The following FHL2 variants were observed in gnomAD, a reference collection of about 807,000 sequenced individuals.
The protein encoded by FHL2 is four and a half LIM domains 2.
Under a neutral mutation model 32.7 loss-of-function variants are expected in FHL2, and 20 were observed. The ratio of observed to expected loss-of-function variants is 0.61; its 90% CI spans 0.43 to 0.89. The LOEUF (loss-of-function observed/expected upper bound fraction) is 0.89, where lower values mean the gene tolerates loss of function less well. FHL2 is among the 40% of genes least tolerant of loss of function. FHL2 has a pLI of 0.00. For missense variants in FHL2, 311 were observed against 358.6 expected, an observed-to-expected ratio of 0.87 and a Z score of 1.07; for synonymous variants, 123 against 128.1, an observed-to-expected ratio of 0.96 and a Z score of 0.27.
Position 105,398,331 on chromosome 2 carries a change from A to C in FHL2, c.-76+511T>G, listed in dbSNP as rs1222534394. Among the ~76,000 whole-genome samples, 5 of 152,230 alleles carry C rather than the reference A, an allele frequency of 3.3e-5. No individual in the cohort carries two copies. The East Asian group carries it at 7.7e-4, about 23-fold the overall frequency. ...ATTTAAAATAAGCCATTTTTGTTTT[A>C]ACCGAATGGTTCAGTTATTAAATGT... is the stretch of plus-strand genomic sequence containing the variant. On this transcript the variant is annotated intron_variant, in intron 1 of 6. Coordinates refer to ENST00000530340, the MANE Select transcript of FHL2 (RefSeq NM_001318895.3).
chr2:105,367,893 T>G (rs1347614600), intron 4 of FHL2, among the ~76,000 whole-genome samples, 154 bp from the exon 5 acceptor site: 2 of 152,226 alleles, frequency 1.3e-5, no homozygotes, highest in African/African-American at 4.8e-5. Flanking sequence ...AGGTAATTCC[T>G]ATTTTGTGCA....
chr2:105,404,061 C>G (rs1358324639), upstream of FHL2, among the ~76,000 whole-genome samples: 1 of 152,168 alleles, frequency 6.6e-6, no homozygotes, highest in African/African-American at 2.4e-5. Context: ...TAGCCTCCTA[C>G]CCGGATGGGG....
upstream of FHL2, chr2:105,399,242 T>A (rs1022445171): frequency 8.5e-6 from 13 of 1,534,958 alleles, no homozygotes; most frequent in South Asian, 2.4e-5. Context: ...CCAGGGCTCC[T>A]TTCTTCGTGC....
chr2:105,422,646 CAAAAA>C (rs10715306), intron 1 of FHL2, among the ~76,000 whole-genome samples: 1 of 113,962 alleles, frequency 8.8e-6, no homozygotes, highest in Admixed American at 8.9e-5. Context: ...TCATCTCTGG[CAAAAA>C]AAAAAAAAAA....
intron 2 of FHL2, among the ~76,000 whole-genome samples, chr2:105,392,964 C>T (rs1217709355): frequency 4.0e-5 from 6 of 151,342 alleles, no homozygotes; most frequent in East Asian, 1.9e-4. Flanking sequence ...GTATTACAGG[C>T]GTGCATCACC....
At chr2:105,435,044 GTAACAT>G (rs1684563372) in intron 1 of FHL2, among the ~76,000 whole-genome samples, 1 of 152,118 alleles carries the variant, frequency 6.6e-6, no homozygotes, top group Non-Finnish European at 1.5e-5. Context: ...AGAGAAAAAT[GTAACAT>G]TACTACCAAT....
exon 1 of FHL2, chr2:105,438,439 G>A (rs1400798630): frequency 7.1e-6 from 7 of 985,428 alleles, no homozygotes; most frequent in Non-Finnish European, 8.4e-6. Flanking sequence ...CCAGCCCGAT[G>A]AGCAGGGACA....
chr2:105,369,467 A>C (rs1201408123), intron 4 of FHL2, among the ~76,000 whole-genome samples: 1 of 152,222 alleles, frequency 6.6e-6, no homozygotes, highest in East Asian at 1.9e-4. Flanking sequence ...AAGACCAGAC[A>C]TTTGAGATTA....
chr2:105,427,783 G>A (rs1333781823), intron 1 of FHL2, among the ~76,000 whole-genome samples: 1 of 152,204 alleles, frequency 6.6e-6, no homozygotes, highest in Non-Finnish European at 1.5e-5. Flanking sequence ...GTGCCTGGGT[G>A]TGAGGCTTTG....
chr2:105,386,008 TACTC>T (rs1682281086), intron 3 of FHL2: 1 of 399,776 alleles, frequency 2.5e-6, no homozygotes, highest in Admixed American at 4.2e-5. Context: ...TGCTCCACGT[TACTC>T]ACCACGGGGC....
intron 4 of FHL2, among the ~76,000 whole-genome samples, chr2:105,370,357 A>G (rs1680961289): frequency 1.3e-5 from 2 of 151,854 alleles, no homozygotes; most frequent in African/African-American, 4.8e-5. Context: ...CCTGAGCGAA[A>G]GAGCGAGATC....
intron 1 of FHL2, among the ~76,000 whole-genome samples, chr2:105,418,858 T>C (rs1684015013): frequency 6.6e-6 from 1 of 152,204 alleles, no homozygotes; most frequent in Non-Finnish European, 1.5e-5. Flanking sequence ...TTCTATTTTA[T>C]TATTATTTAT....
intron 3 of FHL2, among the ~76,000 whole-genome samples, chr2:105,379,163 G>A (rs190479736): frequency 2.0e-5 from 3 of 152,316 alleles, no homozygotes; most frequent in Admixed American, 2.0e-4. Flanking sequence ...CCATTGGGAA[G>A]TAATTGAACC....
At chr2:105,361,553 G>T in intron 6 of FHL2, 119 bp from the exon 7 acceptor site, 1 of 819,124 alleles carries the variant, frequency 1.2e-6, no homozygotes, top group Non-Finnish European at 1.9e-6. Flanking sequence ...TGGATAATGT[G>T]AATTTCTAGT....
intron 2 of FHL2, among the ~76,000 whole-genome samples, chr2:105,395,624 C>A (rs1683072198): frequency 6.6e-6 from 1 of 152,238 alleles, no homozygotes; most frequent in African/African-American, 2.4e-5. Flanking sequence ...CCTTCTGCTT[C>A]CTTCATTGAC....
intron 1 of FHL2, among the ~76,000 whole-genome samples, chr2:105,427,661 T>G (rs1318493526): frequency 6.6e-6 from 1 of 152,202 alleles, no homozygotes; most frequent in African/African-American, 2.4e-5. Flanking sequence ...GCATTTCTTG[T>G]CTTGCATGTG....
intron 1 of FHL2, chr2:105,438,330 T>G (rs1001227133): frequency 1.0e-6 from 1 of 980,384 alleles, no homozygotes; most frequent in Non-Finnish European, 1.2e-6. Flanking sequence ...CCTACAGAGC[T>G]GCTGCAGAGA....
chr2:105,401,112 A>C (rs1683454882), upstream of FHL2, among the ~76,000 whole-genome samples: 1 of 151,282 alleles, frequency 6.6e-6, no homozygotes, highest in Non-Finnish European at 1.5e-5. Flanking sequence ...TCAAAGAATA[A>C]ACTAGTAGAA....
chr2:105,431,962 T>C (rs1393894932), intron 1 of FHL2, among the ~76,000 whole-genome samples: 4 of 152,356 alleles, frequency 2.6e-5, no homozygotes, highest in Non-Finnish European at 5.9e-5. Context: ...CTGCTGCTGT[T>C]AATAAAAGTA....
Sources: allele counts gnomAD v4.1 joint callset (sites outside exome capture counted in the v4.1 genomes callset), GRCh38; gene constraint gnomAD v4.1.1; transcripts MANE v1.5; gene names NCBI Gene and HGNC (gene_info 2026-07-23, HGNC 2026-07-21).